SEMA3D: variants seen among roughly 807,000 people sequenced by gnomAD.
SEMA3D encodes the protein semaphorin-3D.
Under a neutral mutation model 100.1 loss-of-function variants are expected in SEMA3D, and 84 were observed. That is an observed-to-expected ratio of 0.84 (90% CI 0.70 to 1.01). The LOEUF (loss-of-function observed/expected upper bound fraction) is 1.01. Ranked by LOEUF, SEMA3D falls within the 50% of genes least tolerant of loss-of-function variation. The pLI is 0.00. For missense variants in SEMA3D, 875 were observed against 934.1 expected, an observed-to-expected ratio of 0.94 and a Z score of 0.82; for synonymous variants, 312 against 320.7, an observed-to-expected ratio of 0.97 and a Z score of 0.29.
At chr7:85,058,880 C>CAA (rs137911293) in intron 8 of SEMA3D, among the ~76,000 whole-genome samples, 6,592 of 147,206 alleles carry the variant, frequency 0.045, 211 homozygotes, top group Non-Finnish European at 0.069. Context: ...GAATTTAGTG[C>CAA]AAAAAAAAAG....
At chr7:85,245,750 T>C in the SEMA3D span, among the ~76,000 whole-genome samples, 2 of 152,114 alleles carry the variant, frequency 1.3e-5, no homozygotes, top group African/African-American at 4.8e-5. Context: ...AACGCTAGTT[T>C]AAAAGCTACA....
the SEMA3D span, among the ~76,000 whole-genome samples, chr7:85,216,602 C>G: frequency 6.6e-6 from 1 of 152,004 alleles, no homozygotes; most frequent in Admixed American, 6.6e-5. Flanking sequence ...GAATTTGACA[C>G]CACTGTTTTC....
chr7:85,101,723 C>G (rs967788949), intron 3 of SEMA3D, among the ~76,000 whole-genome samples: 7 of 151,908 alleles, frequency 4.6e-5, no homozygotes, highest in Admixed American at 4.6e-4. Flanking sequence ...CATAATATTT[C>G]CCAACTCATA....
At chr7:85,128,143 A>AT (rs1010786925) in intron 2 of SEMA3D, among the ~76,000 whole-genome samples, 3 of 151,446 alleles carry the variant, frequency 2.0e-5, no homozygotes, top group East Asian at 1.9e-4. Context: ...CTATGTTTTT[A>AT]TTTATTTTAT....
chr7:85,057,894 G>A (rs760364989), intron 8 of SEMA3D, among the ~76,000 whole-genome samples: 2 of 152,106 alleles, frequency 1.3e-5, no homozygotes, highest in African/African-American at 2.4e-5. Context: ...TCACACCAGG[G>A]CACTCCAGCC....
intron 2 of SEMA3D, chr7:85,143,372 G>A (rs960919921): frequency 1.3e-5 from 3 of 225,032 alleles, no homozygotes; most frequent in Non-Finnish European, 2.2e-5. Context: ...ATCATTGTTC[G>A]AACATCATAG....
At chr7:85,225,677 TA>T in the SEMA3D span, among the ~76,000 whole-genome samples, 10 of 152,150 alleles carry the variant, frequency 6.6e-5, no homozygotes, top group Non-Finnish European at 1.5e-4. Context: ...GAGCACCCTG[TA>T]ACACACGCCC....
At chr7:85,106,704 T>C (rs979592378) in intron 3 of SEMA3D, among the ~76,000 whole-genome samples, 1 of 151,996 alleles carries the variant, frequency 6.6e-6, no homozygotes, top group Non-Finnish European at 1.5e-5. Context: ...AAAGAAAAAC[T>C]GGTTTAATTA....
At chr7:85,198,623 C>A in the SEMA3D span, among the ~76,000 whole-genome samples, 3 of 151,766 alleles carry the variant, frequency 2.0e-5, no homozygotes, top group Non-Finnish European at 4.4e-5. Context: ...TACTGTTGGG[C>A]AGAGTCACTT....
the SEMA3D span, among the ~76,000 whole-genome samples, chr7:85,207,190 CAT>C: frequency 6.6e-6 from 1 of 152,008 alleles, no homozygotes; most frequent in African/African-American, 2.4e-5. Flanking sequence ...GTTAATGTGA[CAT>C]GTGACAGAAT....
chr7:85,161,601 C>T (rs988053897), intron 1 of SEMA3D, among the ~76,000 whole-genome samples: 36 of 152,120 alleles, frequency 2.4e-4, no homozygotes, highest in African/African-American at 8.2e-4. Flanking sequence ...AGGAAAACAA[C>T]TACCATTCAC....
At chr7:85,040,846 AT>A (rs1414459404) in intron 10 of SEMA3D, 104 bp from the exon 11 acceptor site, 1 of 628,164 alleles carries the variant, frequency 1.6e-6, no homozygotes, top group Non-Finnish European at 2.8e-6. Flanking sequence ...AGTTTATACG[AT>A]TAACAGAGGC....
chr7:85,105,273 G>A (rs1265795480), intron 3 of SEMA3D, among the ~76,000 whole-genome samples: 1 of 151,992 alleles, frequency 6.6e-6, no homozygotes, highest in Non-Finnish European at 1.5e-5. Context: ...TCTATGGAGT[G>A]CCTTCAAAGC....
At chr7:85,026,731 T>C (rs1464849194) in intron 12 of SEMA3D, among the ~76,000 whole-genome samples, 1 of 152,042 alleles carries the variant, frequency 6.6e-6, no homozygotes, top group Non-Finnish European at 1.5e-5. Flanking sequence ...AGTTTACAAT[T>C]AAAATCTAAT....
At chr7:85,040,845 G>A (rs1410239393) in intron 10 of SEMA3D, 103 bp from the exon 11 acceptor site, 2 of 626,828 alleles carry the variant, frequency 3.2e-6, no homozygotes, top group Non-Finnish European at 2.8e-6. Context: ...CAGTTTATAC[G>A]ATTAACAGAG....
At chr7:85,078,492 G>A (rs1050655241) in intron 5 of SEMA3D, among the ~76,000 whole-genome samples, 18 of 152,140 alleles carry the variant, frequency 1.2e-4, no homozygotes, top group Non-Finnish European at 2.2e-4. Flanking sequence ...CCCTCACCCT[G>A]TGGTTTCTTT....
intron 3 of SEMA3D, among the ~76,000 whole-genome samples, chr7:85,101,060 C>A (rs960967335): frequency 6.6e-6 from 1 of 151,872 alleles, no homozygotes; most frequent in Admixed American, 6.6e-5. Flanking sequence ...GGGATAATAT[C>A]CAACAAATAC....
chr7:85,169,406 G>C (rs1416512924), intron 1 of SEMA3D, among the ~76,000 whole-genome samples: 1 of 151,782 alleles, frequency 6.6e-6, no homozygotes, highest in Non-Finnish European at 1.5e-5. Context: ...CTTTCACATA[G>C]TATATTTTGC....
At chr7:85,122,058 A>T in intron 2 of SEMA3D, 127 bp from the exon 3 acceptor site, 2 of 505,394 alleles carry the variant, frequency 4.0e-6, no homozygotes, top group Non-Finnish European at 6.9e-6. Context: ...GGACACAGGG[A>T]GGGGAACATA....
Sources: allele counts gnomAD v4.1 joint callset (sites outside exome capture counted in the v4.1 genomes callset), GRCh38; gene constraint gnomAD v4.1.1; transcripts MANE v1.5; gene names NCBI Gene and HGNC (gene_info 2026-07-23, HGNC 2026-07-21).